ST7L: variants seen among roughly 807,000 people sequenced by gnomAD.
ST7L encodes the protein suppressor of tumorigenicity 7 protein-like.
Under a neutral mutation model 72.5 loss-of-function variants are expected in ST7L, and 57 were observed. The ratio of observed to expected loss-of-function variants is 0.79; its 90% CI spans 0.64 to 0.98. ST7L has a LOEUF of 0.98. ST7L is among the 50% of genes least tolerant of loss of function. ST7L has a pLI of 0.00. For synonymous variants in ST7L, 221 were observed against 240.9 expected (o/e 0.92, Z 0.77); for missense variants, 576 against 672.2 (o/e 0.86, Z 1.58).
chr1:112,598,637 G>T (rs1289833920), intron 4 of ST7L, among the ~76,000 whole-genome samples: 4 of 151,540 alleles, frequency 2.6e-5, no homozygotes, highest in African/African-American at 4.8e-5. Flanking sequence ...TAAGGATTGG[G>T]AATTGAGACA....
intron 4 of ST7L, among the ~76,000 whole-genome samples, chr1:112,598,305 T>C (rs1257235862): frequency 6.6e-6 from 1 of 152,018 alleles, no homozygotes; most frequent in Non-Finnish European, 1.5e-5. Context: ...CAACTGCTTC[T>C]GAAAATTGAA....
chr1:112,587,700 G>A (rs969612671), intron 6 of ST7L, among the ~76,000 whole-genome samples: 1 of 152,172 alleles, frequency 6.6e-6, no homozygotes, highest in Admixed American at 6.5e-5. Flanking sequence ...GTCTATCCTT[G>A]TAATTTAACT....
intron 14 of ST7L, among the ~76,000 whole-genome samples, chr1:112,533,689 T>G (rs1257024663): frequency 2.6e-5 from 4 of 152,166 alleles, no homozygotes; most frequent in Non-Finnish European, 4.4e-5. Flanking sequence ...AAGGTCTTGC[T>G]CTGTGTCCCA....
At chr1:112,607,758 T>C (rs1329916087) in intron 3 of ST7L, among the ~76,000 whole-genome samples, 1 of 152,110 alleles carries the variant, frequency 6.6e-6, no homozygotes, top group Non-Finnish European at 1.5e-5. Context: ...TAGAAGATTT[T>C]AGAATTATAG....
At chr1:112,576,290 AC>A (rs1663096199) in intron 11 of ST7L, among the ~76,000 whole-genome samples, 1 of 152,050 alleles carries the variant, frequency 6.6e-6, no homozygotes, top group African/African-American at 2.4e-5. Flanking sequence ...AGGTCTCACC[AC>A]ATTGCCCAGC....
chr1:112,566,268 A>G (rs1377480300), intron 11 of ST7L, among the ~76,000 whole-genome samples: 1 of 126,164 alleles, frequency 7.9e-6, no homozygotes, highest in Non-Finnish European at 1.7e-5. Flanking sequence ...ATCAAGACAT[A>G]TTTTCTTTTA....
chr1:112,568,330 ATTTTTT>A (rs776031521), intron 11 of ST7L, among the ~76,000 whole-genome samples: 2 of 116,794 alleles, frequency 1.7e-5, no homozygotes, highest in African/African-American at 3.5e-5. Context: ...CTGTAATAAT[ATTTTTT>A]TTTTTTTTTT....
chr1:112,540,075 C>T, intron 14 of ST7L: 1 of 985,438 alleles, frequency 1.0e-6, no homozygotes, highest in Non-Finnish European at 1.2e-6. Context: ...AAAGATTCTT[C>T]TGGTGCCATT....
chr1:112,619,148 G>C (rs746571724), upstream of ST7L: 2 of 1,602,994 alleles, frequency 1.2e-6, no homozygotes, highest in Admixed American at 1.7e-5. Context: ...AGCTGGGAGG[G>C]GAGAAGGACA....
chr1:112,560,807 C>T (rs932171335), intron 11 of ST7L, among the ~76,000 whole-genome samples: 3 of 151,792 alleles, frequency 2.0e-5, no homozygotes, highest in African/African-American at 7.3e-5. Flanking sequence ...ACTAAAGACA[C>T]AAAAAATTAG....
chr1:112,595,136 G>T (rs935950044), intron 5 of ST7L, among the ~76,000 whole-genome samples: 4 of 151,912 alleles, frequency 2.6e-5, no homozygotes, highest in Non-Finnish European at 5.9e-5. Context: ...AAGACCAAGG[G>T]GGGGCGGATC....
chr1:112,594,951 G>A (rs1410471540), intron 5 of ST7L, among the ~76,000 whole-genome samples: 5 of 152,030 alleles, frequency 3.3e-5, no homozygotes, highest in Admixed American at 3.3e-4. Flanking sequence ...GTTTTATTGT[G>A]GAAAAGGATG....
intron 3 of ST7L, among the ~76,000 whole-genome samples, chr1:112,602,178 T>A (rs1667527322): frequency 6.6e-6 from 1 of 152,038 alleles, no homozygotes; most frequent in South Asian, 2.1e-4. Flanking sequence ...TTAGATATTA[T>A]CCTTGGTCAT....
At chr1:112,611,433 G>T (rs552668997) in intron 2 of ST7L, among the ~76,000 whole-genome samples, 1 of 152,330 alleles carries the variant, frequency 6.6e-6, no homozygotes, top group South Asian at 2.1e-4. Flanking sequence ...GCTGTGTGCT[G>T]TGGGCAAGTC....
Position 112,541,956 on chromosome 1 carries a change from T to C in ST7L, c.1624A>G (p.Lys542Glu). 2 of 1,613,642 alleles carry C rather than the reference T, an allele frequency of 1.2e-6. No homozygotes were observed. The highest frequency in any genetic ancestry group is 8.5e-7 in the Non-Finnish European group (1 of 1,179,842). ...QFPEIMGIFA[K>E]AVLGLWCPQP... The stretch of plus-strand genomic sequence containing the variant: ...GTCCTTGAGATCATACTTACAGCTT[T>C]AGCAAAAATACCCATGATTTCAGGA... The change falls in exon 14 of 15, where the codon AAA (lysine) becomes GAA (glutamate). Residue 542 changes from lysine to glutamate, a missense_variant. Around this residue, in one of 3 missense-constraint regions of ST7L, gnomAD observed 511 missense variants for 600.7 expected, o/e 0.85. Coordinates refer to ENST00000358039, the MANE Select transcript of ST7L (RefSeq NM_017744.5).
chr1:112,554,330 T>C (rs1473056814), intron 12 of ST7L, among the ~76,000 whole-genome samples: 1 of 152,138 alleles, frequency 6.6e-6, no homozygotes, highest in South Asian at 2.1e-4. Context: ...CCAAAGAAGA[T>C]ATATAAATGG....
intron 3 of ST7L, among the ~76,000 whole-genome samples, chr1:112,606,622 C>T (rs775853752): frequency 2.0e-5 from 3 of 152,160 alleles, no homozygotes; most frequent in Non-Finnish European, 2.9e-5. Flanking sequence ...CCCACTTCTT[C>T]GTAACAAAAT....
chr1:112,553,435 T>G (rs1658578875), intron 12 of ST7L, among the ~76,000 whole-genome samples: 1 of 152,188 alleles, frequency 6.6e-6, no homozygotes, highest in Non-Finnish European at 1.5e-5. Flanking sequence ...TTTTAGCAAA[T>G]GGTTAATGCA....
At chr1:112,559,555 C>T (rs1343344826) in intron 11 of ST7L, among the ~76,000 whole-genome samples, 1 of 152,050 alleles carries the variant, frequency 6.6e-6, no homozygotes, top group Non-Finnish European at 1.5e-5. Flanking sequence ...TTTTAAACAG[C>T]AACTATATAC....
Sources: gnomAD v4.1 joint callset for allele counts (sites outside exome capture counted in the v4.1 genomes callset) on GRCh38, gnomAD v4.1.1 for gene constraint, gnomAD v4.1.1 regional missense constraint, MANE v1.5 for transcripts, NCBI Gene and HGNC (gene_info 2026-07-23, HGNC 2026-07-21) for gene names.